SEMA6A: variants seen among roughly 807,000 people sequenced by gnomAD.
The protein encoded by SEMA6A is semaphorin-6A.
Under a neutral mutation model 96.8 loss-of-function variants are expected in SEMA6A, and 25 were observed. The ratio of observed to expected loss-of-function variants is 0.26; its 90% CI spans 0.19 to 0.36. The LOEUF is 0.36. Ranked by LOEUF, SEMA6A falls within the 10% of genes least tolerant of loss-of-function variation. The pLI is 1.00. For missense variants in SEMA6A, 1,363 were observed against 1,323.1 expected (o/e 1.03, Z -0.47); for synonymous variants, 612 against 518.0 (o/e 1.18, Z -2.46).
At chr5:116,519,294 G>T (rs1461812902) in intron 1 of SEMA6A, among the ~76,000 whole-genome samples, 1 of 152,154 alleles carries the variant, frequency 6.6e-6, no homozygotes, top group Admixed American at 6.5e-5. Context: ...CCAATTTTTT[G>T]AAAGTAATTC....
intron 7 of SEMA6A, among the ~76,000 whole-genome samples, chr5:116,490,945 CACT>C (rs1053602186): frequency 8.5e-5 from 13 of 152,160 alleles, no homozygotes; most frequent in Admixed American, 3.9e-4. Context: ...ACAAAAATCC[CACT>C]ACATCTGAAA....
intron 6 of SEMA6A, among the ~76,000 whole-genome samples, chr5:116,495,112 T>G (rs1045523944): frequency 6.6e-6 from 1 of 151,940 alleles, no homozygotes; most frequent in Non-Finnish European, 1.5e-5. Flanking sequence ...AGAAAAAAAA[T>G]AGAGGAAATC....
intron 18 of SEMA6A, among the ~76,000 whole-genome samples, chr5:116,456,315 T>A (rs1236438774): frequency 6.6e-6 from 1 of 152,186 alleles, no homozygotes; most frequent in Non-Finnish European, 1.5e-5. Flanking sequence ...TCCAGATGAT[T>A]CTTAAGTTCT....
chr5:116,533,921 CTA>C (rs1430991904), intron 1 of SEMA6A, among the ~76,000 whole-genome samples: 1 of 152,170 alleles, frequency 6.6e-6, no homozygotes, highest in Non-Finnish European at 1.5e-5. Flanking sequence ...GCAGCCATCT[CTA>C]TGCCCTTTCT....
intron 18 of SEMA6A, among the ~76,000 whole-genome samples, chr5:116,453,328 G>A (rs901487536): frequency 6.6e-6 from 1 of 152,116 alleles, no homozygotes; most frequent in African/African-American, 2.4e-5. Context: ...TGACTCCTTA[G>A]GCCAGTTAAG....
chr5:116,449,366 C>G (rs889647462), intron 18 of SEMA6A: 1 of 702,202 alleles, frequency 1.4e-6, no homozygotes. Context: ...TCAACTCTTT[C>G]TGGAATATGT....
intron 18 of SEMA6A, among the ~76,000 whole-genome samples, chr5:116,456,179 T>G (rs1755000555): frequency 6.6e-6 from 1 of 152,102 alleles, no homozygotes. Context: ...ATCAGCAACG[T>G]GGAAAATGTC....
intron 9 of SEMA6A, chr5:116,487,203 G>A (rs1561490336): frequency 4.4e-6 from 2 of 454,538 alleles, no homozygotes; most frequent in Non-Finnish European, 7.9e-6. Context: ...AATCCTTCAG[G>A]GAATCAGCTC....
At chr5:116,470,356 G>A (rs1756045299) in intron 17 of SEMA6A, among the ~76,000 whole-genome samples, 1 of 152,056 alleles carries the variant, frequency 6.6e-6, no homozygotes, top group South Asian at 2.1e-4. Flanking sequence ...CAATAGATTT[G>A]GAATCTATAT....
At chr5:116,475,479 G>T in intron 16 of SEMA6A, 66 bp downstream of exon 16, 2 of 1,130,604 alleles carry the variant, frequency 1.8e-6, no homozygotes, top group East Asian at 2.6e-5. Context: ...GTGAGCTGAT[G>T]TTTCTAGGCC....
intron 18 of SEMA6A, among the ~76,000 whole-genome samples, chr5:116,454,452 C>G (rs540845679): frequency 1.3e-5 from 2 of 152,144 alleles, no homozygotes; most frequent in African/African-American, 4.8e-5. Flanking sequence ...TCCAGGCTCA[C>G]GGTCCTGCAA....
At position 116,574,798 on chromosome 5, in the gene SEMA6A, C is replaced by T. The variant is rs1208269200; in HGVS notation, c.-652G>A. The T allele has an allele frequency of 6.6e-6, 1 of 152,420 alleles. No homozygotes were observed. Among genetic ancestry groups the T allele is most frequent in the Non-Finnish European group, 1.5e-5 (1 of 68,126 alleles). 9.4% of individuals were successfully genotyped at this position (152,420 alleles called of 1,614,324 possible). On this transcript the variant is annotated 5_prime_UTR_variant, in exon 1 of 19. Transcript: ENST00000343348. ...CGGGGAGCGGAGTTGGCTGCAGCCT[C>T]ACCCCGTGCCGCTCACTACTCCTCT...
At chr5:116,570,738 A>G (rs183646999) in intron 1 of SEMA6A, among the ~76,000 whole-genome samples, 1 of 152,366 alleles carries the variant, frequency 6.6e-6, no homozygotes, top group East Asian at 1.9e-4. Context: ...CAATGTACAC[A>G]GAATAAACTA....
intron 18 of SEMA6A, among the ~76,000 whole-genome samples, chr5:116,448,372 T>G (rs1015440621): frequency 1.3e-5 from 2 of 151,892 alleles, no homozygotes; most frequent in African/African-American, 2.4e-5. Context: ...AAAGTGCTGT[T>G]CACTCTTTCC....
rs374527193 is a variant in SEMA6A, at chr5:116,500,813, C to G, written c.218+1397G>C. On this transcript the variant is annotated intron_variant, in intron 3 of 18. Coordinates refer to ENST00000343348, the MANE Select transcript of SEMA6A (RefSeq NM_020796.5). ...TGAAGGTCAGGAGTTTGAGACCAGC[C>G]TGGCTAACATGGTGGAACCCCATCT... Among the ~76,000 whole-genome samples the G allele has an allele frequency of 1.9e-4, 29 of 152,238 alleles. 1 individual carries two copies. The South Asian group carries it at 5.0e-3, about 26-fold the overall frequency.
At chr5:116,524,198 C>T (rs1328552166) in intron 1 of SEMA6A, among the ~76,000 whole-genome samples, 2 of 152,190 alleles carry the variant, frequency 1.3e-5, no homozygotes, top group Non-Finnish European at 2.9e-5. Context: ...TGATCCCACC[C>T]AGATGCTGTG....
intron 17 of SEMA6A, among the ~76,000 whole-genome samples, chr5:116,470,442 C>G (rs1756053375): frequency 6.6e-6 from 1 of 152,128 alleles, no homozygotes; most frequent in African/African-American, 2.4e-5. Flanking sequence ...TCATAAAATA[C>G]AAATAAATAG....
chr5:116,518,560 G>C (rs1223593756), intron 1 of SEMA6A, among the ~76,000 whole-genome samples: 1 of 152,198 alleles, frequency 6.6e-6, no homozygotes, highest in Non-Finnish European at 1.5e-5. Context: ...AAAGTGCTGA[G>C]GGTCAGACAA....
Position 116,496,248 on chromosome 5 carries a change from T to C in SEMA6A, c.342+3A>G. 6.2e-7 allele frequency: 1 copy of C among 1,612,492 alleles called. No homozygotes were observed. Among genetic ancestry groups the C allele is most frequent in the African/African-American group, 1.3e-5 (1 of 74,330 alleles). Reference sequence around the variant, plus strand: ...AGCTGCAGGAGAAATGAAAATTGCCTACCTTATGTTTTCCCTTCATTCTGC... The same window carrying C: ...AGCTGCAGGAGAAATGAAAATTGCCCACCTTATGTTTTCCCTTCATTCTGC... On this transcript the variant is annotated splice_donor_region_variant and intron_variant, in intron 5 of 18. Coordinates refer to ENST00000343348, the MANE Select transcript of SEMA6A (RefSeq NM_020796.5).
Sources: allele counts gnomAD v4.1 joint callset (sites outside exome capture counted in the v4.1 genomes callset), GRCh38; gene constraint gnomAD v4.1.1; transcripts MANE v1.5; gene names NCBI Gene and HGNC (gene_info 2026-07-23, HGNC 2026-07-21).